YAF2: variants seen among roughly 807,000 people sequenced by gnomAD.
YAF2 encodes YY1-associated factor 2.
YAF2 carries 7 observed loss-of-function variants against 20.1 expected under a neutral mutation model. The ratio of observed to expected loss-of-function variants is 0.35; its 90% CI spans 0.20 to 0.65. YAF2 has a LOEUF of 0.65. Ranked by LOEUF, YAF2 falls within the 30% of genes least tolerant of loss-of-function variation. The probability of loss-of-function intolerance (pLI) is 0.69; values close to 1 mark genes in which losing one functional copy is unlikely to be tolerated. For synonymous variants in YAF2, 74 were observed against 76.0 expected (o/e 0.97, Z 0.14); for missense variants, 151 against 219.2 (o/e 0.69, Z 1.96).
intron 2 of YAF2, among the ~76,000 whole-genome samples, chr12:42,207,684 CG>C (rs2067085828): frequency 6.6e-6 from 1 of 151,298 alleles, no homozygotes; most frequent in Non-Finnish European, 1.5e-5. Context: ...CAAGGTCAGG[CG>C]ATCAAGACCA....
chr12:42,233,664 A>T (rs2068048085), intron 2 of YAF2: 1 of 667,766 alleles, frequency 1.5e-6, no homozygotes, highest in African/African-American at 2.0e-5. Context: ...GGCATGCACC[A>T]CCACACCCAG....
intron 2 of YAF2, chr12:42,235,660 C>T (rs1432969577): frequency 6.6e-7 from 1 of 1,523,118 alleles, no homozygotes; most frequent in African/African-American, 1.4e-5. Flanking sequence ...TTGCCCAGAG[C>T]CTCTTCAGTT....
intron 2 of YAF2, among the ~76,000 whole-genome samples, chr12:42,228,664 G>C (rs1207419724): frequency 8.9e-6 from 1 of 112,236 alleles, no homozygotes; most frequent in African/African-American, 4.0e-5. Context: ...GGTGGGGGGG[G>C]GGTCAGCCCC....
intron 2 of YAF2, chr12:42,210,736 C>T: frequency 6.9e-7 from 1 of 1,458,082 alleles, no homozygotes; most frequent in Non-Finnish European, 9.1e-7. Flanking sequence ...ACACGTAGAA[C>T]TACAGAAGAA....
chr12:42,206,021 C>A (rs1197313790), intron 2 of YAF2: 1 of 218,122 alleles, frequency 4.6e-6, no homozygotes, highest in Non-Finnish European at 9.6e-6. Context: ...TATATTGGAA[C>A]TGCTCAATCT....
At chr12:42,234,964 G>A in intron 2 of YAF2, 1 of 980,250 alleles carries the variant, frequency 1.0e-6, no homozygotes, top group Non-Finnish European at 1.2e-6. Flanking sequence ...ACCCAGCCTG[G>A]GCAACAGAAT....
At chr12:42,196,986 C>T (rs73281860) in intron 2 of YAF2, among the ~76,000 whole-genome samples, 1,596 of 152,246 alleles carry the variant, frequency 0.01, 28 homozygotes, top group African/African-American at 0.036. Context: ...TAACCACCAC[C>T]TGAGAAGGCA....
rs1379861885 is a variant in YAF2, at chr12:42,196,985, C to T, written c.153-35220G>A. 3.3e-5 allele frequency among the ~76,000 whole-genome samples: 5 copies of T among 152,164 alleles called. No individual in the cohort carries two copies. The East Asian group carries it at 9.6e-4, about 29-fold the overall frequency. ...TAAGGAGGGTATCAAGTAACCACCA[C>T]CTGAGAAGGCAGTGTCTGTTTTGTT... On this transcript the variant is annotated intron_variant, in intron 2 of 3. Transcript: ENST00000534854.
chr12:42,234,489 A>C (rs981172588), intron 2 of YAF2: 1 of 981,694 alleles, frequency 1.0e-6, no homozygotes, highest in Non-Finnish European at 1.2e-6. Flanking sequence ...AAACATGCAC[A>C]TGTACCCCAA....
At chr12:42,179,362 C>G (rs2066280280) in intron 2 of YAF2, among the ~76,000 whole-genome samples, 1 of 152,168 alleles carries the variant, frequency 6.6e-6, no homozygotes, top group African/African-American at 2.4e-5. Context: ...CTCAGCTACT[C>G]AGGAGGCTGA....
At chr12:42,190,264 A>G (rs1293056924) in intron 2 of YAF2, among the ~76,000 whole-genome samples, 1 of 152,162 alleles carries the variant, frequency 6.6e-6, no homozygotes, top group Non-Finnish European at 1.5e-5. Context: ...TGATCTCTTG[A>G]GCCTGGGAAG....
Position 42,167,565 on chromosome 12 carries a change from AT to A in YAF2, c.153-5801del, listed in dbSNP as rs2065944859. On this transcript the variant is annotated intron_variant, in intron 2 of 3. Coordinates refer to ENST00000534854, the MANE Select transcript of YAF2 (RefSeq NM_005748.6). ...AATTGGGTCCAACTTAAGAAAAATC[AT>A]TTGTGTATCTACATATTAAAACAAT... Among the ~76,000 whole-genome samples, 4 of 152,350 alleles carry A rather than the reference AT, an allele frequency of 2.6e-5. No homozygotes were observed. In the South Asian group the frequency reaches 8.3e-4, roughly 32 times the overall value.
intron 2 of YAF2, chr12:42,231,673 G>A (rs1272440921): frequency 1.3e-5 from 2 of 152,148 alleles, no homozygotes; most frequent in African/African-American, 4.8e-5. Context: ...GCTGAGTTAT[G>A]CGTAGCTTCC....
chr12:42,158,002 A>AT lies in YAF2; in HGVS notation c.*2586_*2587insA, dbSNP rs2065736020. 6.6e-6 allele frequency: 1 copy of AT among 152,216 alleles called. No homozygotes were observed. The highest frequency in any genetic ancestry group is 1.5e-5 in the Non-Finnish European group (1 of 68,020). 9.4% of individuals were successfully genotyped at this position (152,216 alleles called of 1,614,324 possible). On this transcript the variant is annotated 3_prime_UTR_variant, in exon 4 of 4. Transcript: ENST00000534854. ...TCTTTTTGTATGGAATTTGGCTAAA[A>AT]GAACCCAGTGCTCAAACCACACTGT...
chr12:42,221,966 GAAACACTTC>G (rs2137308962), intron 2 of YAF2, among the ~76,000 whole-genome samples: 1 of 152,288 alleles, frequency 6.6e-6, no homozygotes, highest in Non-Finnish European at 1.5e-5. Context: ...AAACACTCTA[GAAACACTTC>G]AAAGGTTCCT....
At chr12:42,210,729 C>T (rs1056079031) in intron 2 of YAF2, 31 of 1,477,538 alleles carry the variant, frequency 2.1e-5, no homozygotes, top group East Asian at 4.9e-5. Flanking sequence ...TATTATCACA[C>T]GTAGAACTAC....
rs139732897 is a variant in YAF2, at chr12:42,182,488, G to A, written c.153-20723C>T. 4.2e-3 allele frequency among the ~76,000 whole-genome samples: 641 copies of A among 152,316 alleles called. 1 individual carries two copies. The highest frequency in any genetic ancestry group is 6.6e-3 in the Non-Finnish European group (448 of 68,030). On this transcript the variant is annotated intron_variant, in intron 2 of 3. Coordinates refer to ENST00000534854, the MANE Select transcript of YAF2 (RefSeq NM_005748.6). Reference sequence around the variant, plus strand: ...AAAACTGAAAGAAAAGTTATTTCTAGTAGAGTGAAACTATAACATAAACTG... The same window carrying A: ...AAAACTGAAAGAAAAGTTATTTCTAATAGAGTGAAACTATAACATAAACTG...
intron 2 of YAF2, among the ~76,000 whole-genome samples, chr12:42,174,135 T>A (rs1000665614): frequency 5.3e-5 from 8 of 151,704 alleles, no homozygotes; most frequent in Non-Finnish European, 8.8e-5. Context: ...TGAGTCTACA[T>A]CCCTGTCTAG....
chr12:42,168,705 C>T (rs151031387), intron 2 of YAF2, among the ~76,000 whole-genome samples: 1 of 152,312 alleles, frequency 6.6e-6, no homozygotes, highest in African/African-American at 2.4e-5. Context: ...GAACAAGCCA[C>T]TGTTCTCAAA....
Sources: allele counts gnomAD v4.1 joint callset (sites outside exome capture counted in the v4.1 genomes callset), GRCh38; gene constraint gnomAD v4.1.1; transcripts MANE v1.5; gene names NCBI Gene and HGNC (gene_info 2026-07-23, HGNC 2026-07-21).